The following SH3BP5 variants were observed in gnomAD, a reference collection of about 807,000 sequenced individuals.
SH3BP5 encodes SH3 domain binding protein 5, also known as SH3 domain-binding protein 5.
In SH3BP5, 22 loss-of-function variants were observed where a neutral mutation model predicts 43.3. The observed-to-expected ratio is 0.51, with a 90% CI of 0.36 to 0.73. SH3BP5 has a LOEUF of 0.73. Ranked by LOEUF, SH3BP5 falls within the 30% of genes least tolerant of loss-of-function variation. The probability of loss-of-function intolerance (pLI) is 0.00; values close to 1 mark genes in which losing one functional copy is unlikely to be tolerated. For missense variants in SH3BP5, 529 were observed against 586.9 expected, an observed-to-expected ratio of 0.90 and a Z score of 1.02; for synonymous variants, 255 against 225.8, an observed-to-expected ratio of 1.13 and a Z score of -1.16.
At chr3:15,276,172 A>G (rs1696961669) in intron 3 of SH3BP5, 1 of 152,056 alleles carries the variant, frequency 6.6e-6, no homozygotes, top group African/African-American at 2.4e-5. Flanking sequence ...GAAGCCTGGC[A>G]TTGTTGAGGC....
chr3:15,287,322 G>A (rs928872562), intron 3 of SH3BP5, among the ~76,000 whole-genome samples: 2 of 152,238 alleles, frequency 1.3e-5, no homozygotes, highest in Non-Finnish European at 2.9e-5. Context: ...GCACATGTCT[G>A]TTTTCAGAGG....
At chr3:15,294,875 T>C (rs1375160047) in intron 3 of SH3BP5, among the ~76,000 whole-genome samples, 1 of 152,176 alleles carries the variant, frequency 6.6e-6, no homozygotes, top group African/African-American at 2.4e-5. Flanking sequence ...ATGCTGTTCC[T>C]TTCCTGACTG....
intron 4 of SH3BP5, among the ~76,000 whole-genome samples, chr3:15,263,660 A>G (rs1459278624): frequency 6.6e-6 from 1 of 152,210 alleles, no homozygotes; most frequent in Non-Finnish European, 1.5e-5. Flanking sequence ...CAATGGCCAA[A>G]AAACAAAAGC....
intron 2 of SH3BP5, among the ~76,000 whole-genome samples, chr3:15,323,776 G>A (rs1698393302): frequency 6.6e-6 from 1 of 152,104 alleles, no homozygotes; most frequent in Non-Finnish European, 1.5e-5. Flanking sequence ...AGAAATTGAG[G>A]CACAGAAATT....
At chr3:15,335,271 G>A (rs61201516), upstream of SH3BP5, among the ~76,000 whole-genome samples, 49 of 151,986 alleles carry the variant, frequency 3.2e-4, no homozygotes, top group East Asian at 5.8e-4. Flanking sequence ...CCAGCTACTC[G>A]AGAGGCTGAG....
At chr3:15,266,058 T>G (rs1249960639) in intron 4 of SH3BP5, among the ~76,000 whole-genome samples, 1 of 152,072 alleles carries the variant, frequency 6.6e-6, no homozygotes, top group Non-Finnish European at 1.5e-5. Flanking sequence ...CTCTCCAATC[T>G]CCAGGGCCTT....
At chr3:15,322,656 G>A (rs1698358960) in intron 2 of SH3BP5, among the ~76,000 whole-genome samples, 1 of 151,990 alleles carries the variant, frequency 6.6e-6, no homozygotes, top group Non-Finnish European at 1.5e-5. Flanking sequence ...TGGGCAACAA[G>A]GAGAGACCCC....
At chr3:15,282,211 T>A (rs930700647) in intron 3 of SH3BP5, among the ~76,000 whole-genome samples, 1 of 152,198 alleles carries the variant, frequency 6.6e-6, no homozygotes, top group African/African-American at 2.4e-5. Flanking sequence ...TGCCAAGGCC[T>A]CTGCTAACTC....
intron 2 of SH3BP5, among the ~76,000 whole-genome samples, chr3:15,314,803 C>A (rs1698146673): frequency 6.6e-6 from 1 of 152,146 alleles, no homozygotes; most frequent in South Asian, 2.1e-4. Flanking sequence ...AAACCAGGGA[C>A]CTAATTCCCC....
At chr3:15,304,536 C>T (rs370302336) in intron 2 of SH3BP5, among the ~76,000 whole-genome samples, 5 of 152,056 alleles carry the variant, frequency 3.3e-5, no homozygotes, top group Admixed American at 6.6e-5. Flanking sequence ...TTAATCATCT[C>T]GGGTGTGGTA....
chr3:15,321,086 C>G (rs1272910293), intron 2 of SH3BP5, among the ~76,000 whole-genome samples: 1 of 152,098 alleles, frequency 6.6e-6, no homozygotes, highest in Non-Finnish European at 1.5e-5. Flanking sequence ...CATGTTTTGG[C>G]CACTAATAGC....
intron 3 of SH3BP5, among the ~76,000 whole-genome samples, chr3:15,282,959 G>A (rs1697169490): frequency 1.3e-5 from 2 of 152,048 alleles, no homozygotes; most frequent in African/African-American, 4.8e-5. Context: ...TGAAGGCGTT[G>A]GTTCATCAGT....
At position 15,256,313 on chromosome 3, in the gene SH3BP5, T is replaced by TA. The variant is rs570056434; in HGVS notation, c.1151-11dup. 4.0e-5 allele frequency: 64 copies of TA among 1,610,644 alleles called. No individual in the cohort carries two copies. Among genetic ancestry groups the TA allele is most frequent in the Non-Finnish European group, 5.3e-5 (63 of 1,178,542 alleles). ...CCTTCTGCCCTGTCTCCTATAGAAA[T>TA]ACAAGGATTATCAAAAGTGAGTATT... is the stretch of plus-strand genomic sequence containing the variant. On this transcript the variant is annotated splice_polypyrimidine_tract_variant and intron_variant, in intron 8 of 8. Transcript: ENST00000383791.
chr3:15,281,537 T>TC (rs1311317999), intron 3 of SH3BP5, among the ~76,000 whole-genome samples: 1 of 152,058 alleles, frequency 6.6e-6, no homozygotes, highest in East Asian at 1.9e-4. Flanking sequence ...GGCCAGTTGC[T>TC]CCCTCCCCCA....
chr3:15,261,710 AAAACTC>A (rs1258952115), intron 5 of SH3BP5, among the ~76,000 whole-genome samples: 1 of 152,152 alleles, frequency 6.6e-6, no homozygotes, highest in African/African-American at 2.4e-5. Context: ...GAAAAAAAAA[AAAACTC>A]TACTAAAGCC....
intron 3 of SH3BP5, among the ~76,000 whole-genome samples, chr3:15,299,362 G>A (rs1299776016): frequency 1.3e-5 from 2 of 151,998 alleles, no homozygotes; most frequent in African/African-American, 4.8e-5. Flanking sequence ...ATTGGACTTG[G>A]TTTTCAAGAT....
At chr3:15,299,656 C>T (rs1697678526) in intron 3 of SH3BP5, among the ~76,000 whole-genome samples, 1 of 151,886 alleles carries the variant, frequency 6.6e-6, no homozygotes, top group Non-Finnish European at 1.5e-5. Flanking sequence ...CTACATCCAG[C>T]TAATTTTAAA....
intron 2 of SH3BP5, among the ~76,000 whole-genome samples, chr3:15,308,199 C>A (rs906489374): frequency 2.6e-5 from 4 of 152,144 alleles, no homozygotes; most frequent in African/African-American, 9.7e-5. Context: ...CTGGTGAATA[C>A]AACCCACCAA....
intron 4 of SH3BP5, chr3:15,264,479 T>C (rs1696564310): frequency 6.6e-6 from 1 of 152,210 alleles, no homozygotes; most frequent in Non-Finnish European, 1.5e-5. Flanking sequence ...AAATAAAATA[T>C]TTGACACGAG....
Sources: allele counts gnomAD v4.1 joint callset (sites outside exome capture counted in the v4.1 genomes callset), GRCh38; gene constraint gnomAD v4.1.1; transcripts MANE v1.5; gene names NCBI Gene and HGNC (gene_info 2026-07-23, HGNC 2026-07-21).